C10orf90: variants seen among roughly 807,000 people sequenced by gnomAD.
C10orf90 encodes the protein (E2-independent) E3 ubiquitin-conjugating enzyme FATS.
Under a neutral mutation model 62.5 loss-of-function variants are expected in C10orf90, and 56 were observed. That is an observed-to-expected ratio of 0.90 (90% CI 0.72 to 1.12). The LOEUF is 1.12. Ranked by LOEUF, C10orf90 falls within the 50% of genes most tolerant of loss-of-function variation. The pLI is 0.00. For missense variants in C10orf90, 970 were observed against 880.4 expected (o/e 1.10, Z -1.29); for synonymous variants, 386 against 340.4 (o/e 1.13, Z -1.47).
chr10:126,668,504 G>A (rs1229821822), intron 1 of C10orf90, among the ~76,000 whole-genome samples: 1 of 152,222 alleles, frequency 6.6e-6, no homozygotes, highest in Non-Finnish European at 1.5e-5. Flanking sequence ...ATAATGCTGA[G>A]ATGTCATGGT....
At chr10:126,644,710 G>C (rs898565334) in intron 2 of C10orf90, among the ~76,000 whole-genome samples, 12 of 152,190 alleles carry the variant, frequency 7.9e-5, no homozygotes, top group Admixed American at 7.9e-4. Flanking sequence ...ATCCACTGTG[G>C]AAGTGCCCGG....
intron 5 of C10orf90, among the ~76,000 whole-genome samples, chr10:126,462,056 A>G (rs1285838734): frequency 6.6e-6 from 1 of 152,142 alleles, no homozygotes; most frequent in Non-Finnish European, 1.5e-5. Context: ...TTGCATAAGT[A>G]ATTGGGATGA....
chr10:126,628,337 G>A (rs771797553), intron 2 of C10orf90, among the ~76,000 whole-genome samples: 1 of 152,204 alleles, frequency 6.6e-6, no homozygotes, highest in African/African-American at 2.4e-5. Flanking sequence ...AGTCCATTAG[G>A]TGGTGGAAAG....
intron 8 of C10orf90, among the ~76,000 whole-genome samples, chr10:126,429,095 T>C (rs770937391): frequency 5.3e-5 from 8 of 152,324 alleles, no homozygotes; most frequent in Non-Finnish European, 1.2e-4. Context: ...CACTTTATTA[T>C]AAACTAATGA....
chr10:126,533,417 G>A (rs1864155859), intron 2 of C10orf90, among the ~76,000 whole-genome samples: 1 of 152,224 alleles, frequency 6.6e-6, no homozygotes, highest in African/African-American at 2.4e-5. Context: ...CTTGAACACA[G>A]AAGTGAGACC....
chr10:126,482,585 T>G (rs1416858330), intron 4 of C10orf90, among the ~76,000 whole-genome samples: 1 of 152,182 alleles, frequency 6.6e-6, no homozygotes, highest in Non-Finnish European at 1.5e-5. Flanking sequence ...AGCTGAGAGC[T>G]CAATTGCACT....
At chr10:126,543,902 C>T (rs930804952) in intron 2 of C10orf90, among the ~76,000 whole-genome samples, 2 of 152,170 alleles carry the variant, frequency 1.3e-5, no homozygotes, top group Non-Finnish European at 2.9e-5. Context: ...TCAAGGCTAT[C>T]ACCACACATC....
intron 2 of C10orf90, among the ~76,000 whole-genome samples, chr10:126,533,230 G>A (rs543559955): frequency 1.9e-3 from 288 of 152,166 alleles, no homozygotes; most frequent in African/African-American, 6.7e-3. Context: ...CACAGCACCC[G>A]GCCTGCTATT....
At chr10:126,489,112 A>T (rs542218949) in intron 4 of C10orf90, among the ~76,000 whole-genome samples, 8 of 152,098 alleles carry the variant, frequency 5.3e-5, no homozygotes, top group African/African-American at 1.7e-4. Flanking sequence ...AAACATAAAT[A>T]AAAAAAATCC....
At position 126,504,011 on chromosome 10, in the gene C10orf90, T is replaced by C. The variant is rs781567019; in HGVS notation, c.1480A>G (p.Ser494Gly). Reference protein sequence around the residue: ...EKDHTTHCHASDHANQLSIHI... With the variant: ...EKDHTTHCHAGDHANQLSIHI... ...ATGGACAGTTGGTTGGCATGATCGC[T>C]GGCGTGACAATGAGTTGTATGGTCC... is the stretch of plus-strand genomic sequence containing the variant. The change falls in exon 4 of 10, where the codon AGC (serine) becomes GGC (glycine). Residue 494 changes from serine to glycine, a missense_variant. Physicochemically the swap from Ser to Gly is moderately conservative, Grantham distance 56 (BLOSUM62 0). Transcript: ENST00000488181. The surrounding 1 kb of genome is among the most constrained non-coding windows in gnomAD (Gnocchi z 4.1). The C allele has an allele frequency of 7.4e-6, 12 of 1,613,698 alleles. No individual in the cohort carries two copies. Among genetic ancestry groups the C allele is most frequent in the Admixed American group, 5.0e-5 (3 of 60,006 alleles).
intron 2 of C10orf90, among the ~76,000 whole-genome samples, chr10:126,565,182 ATATAATATTTATATTACATAT>A (rs1844325252): frequency 2.9e-5 from 2 of 69,734 alleles, no homozygotes; most frequent in East Asian, 5.4e-4. Context: ...ATATTATGTA[ATATAATATTTATATTACATAT>A]TATGTAATAT....
At chr10:126,489,982 T>TATATATA (rs1861633394) in intron 4 of C10orf90, among the ~76,000 whole-genome samples, 1 of 111,202 alleles carries the variant, frequency 9.0e-6, no homozygotes, top group East Asian at 2.3e-4. Context: ...ACATATAATA[T>TATATATA]ATATATAATA....
chr10:126,647,115 T>G (rs548991012), intron 1 of C10orf90, among the ~76,000 whole-genome samples: 1 of 152,272 alleles, frequency 6.6e-6, no homozygotes, highest in Admixed American at 6.5e-5. Flanking sequence ...TCTTCAGGTA[T>G]GACTGTTTTG....
At position 126,601,898 on chromosome 10, in the gene C10orf90, T is replaced by G. The variant is rs187890060; in HGVS notation, c.313+44667A>C. Among the ~76,000 whole-genome samples, 303 of 152,348 alleles carry G rather than the reference T, an allele frequency of 2.0e-3. 5 individuals carry two copies. The highest frequency in any genetic ancestry group is 7.1e-3 in the African/African-American group (295 of 41,584). ...GGGAGCAGGAAAACCCCCTAAGACA[T>G]TCTTATACGCTAACCTCGCTCTCGT... On this transcript the variant is annotated intron_variant, in intron 2 of 9. Transcript: ENST00000488181.
chr10:126,428,971 A>C (rs1857415248), intron 8 of C10orf90, among the ~76,000 whole-genome samples: 1 of 152,174 alleles, frequency 6.6e-6, no homozygotes, highest in African/African-American at 2.4e-5. Flanking sequence ...TAATCATAGT[A>C]AAAGCAGAAA....
chr10:126,636,304 C>T (rs1426663459), intron 2 of C10orf90, among the ~76,000 whole-genome samples: 2 of 152,026 alleles, frequency 1.3e-5, no homozygotes, highest in East Asian at 1.9e-4. Flanking sequence ...TCCTGCCTAC[C>T]GCATTTCACC....
intron 4 of C10orf90, chr10:126,470,193 T>A (rs1346734597): frequency 7.6e-6 from 3 of 395,886 alleles, no homozygotes; most frequent in Non-Finnish European, 5.2e-6. Flanking sequence ...TTCTGCATGT[T>A]GCATGCTGCA....
rs551487928 is a variant in C10orf90, at chr10:126,650,704, T to A, written c.241-4067A>T. Among the ~76,000 whole-genome samples the A allele has an allele frequency of 3.3e-5, 5 of 152,360 alleles. No individual in the cohort carries two copies. In the East Asian group the frequency reaches 9.6e-4, roughly 29 times the overall value. On this transcript the variant is annotated intron_variant, in intron 1 of 9. Transcript: ENST00000488181. ...AGCTGGCAAAGCTCTGATATTCACA[T>A]GACTTCATTTTGATTCTCCAAATTC... is the stretch of plus-strand genomic sequence containing the variant.
intron 4 of C10orf90, among the ~76,000 whole-genome samples, chr10:126,466,831 G>T (rs374736528): frequency 3.3e-5 from 5 of 152,206 alleles, no homozygotes; most frequent in African/African-American, 1.2e-4. Context: ...ATTTGGAGAC[G>T]TTTGACTACC....
Sources: gnomAD v4.1 joint callset for allele counts (sites outside exome capture counted in the v4.1 genomes callset) on GRCh38, gnomAD v4.1.1 for gene constraint, Gnocchi (gnomAD v3.1) non-coding constraint, MANE v1.5 for transcripts, NCBI Gene and HGNC (gene_info 2026-07-23, HGNC 2026-07-21) for gene names.